Variants in SRPX2 observed in about 807,000 individuals in gnomAD.
SRPX2 encodes sushi repeat-containing protein SRPX2.
In SRPX2, 26 loss-of-function variants were observed where a neutral mutation model predicts 45.3. The observed-to-expected ratio is 0.57, with a 90% CI of 0.42 to 0.80. SRPX2 has a LOEUF of 0.80. Among genes scored for constraint, SRPX2 ranks in the 30% least tolerant of loss-of-function variants. The probability of loss-of-function intolerance (pLI) is 0.00; values close to 1 mark genes in which losing one functional copy is unlikely to be tolerated. For synonymous variants in SRPX2, 125 were observed against 143.7 expected (o/e 0.87, Z 0.93); for missense variants, 355 against 399.8 (o/e 0.89, Z 0.95).
intron 3 of SRPX2, among the ~76,000 whole-genome samples, chrX:100,657,857 T>G (rs1411659730): frequency 8.9e-6 from 1 of 112,083 alleles, no homozygotes; most frequent in South Asian, 3.7e-4. Flanking sequence ...CGGAGTCTCC[T>G]GACCTCGTAA....
rs1484524892 is a variant in SRPX2 at position 100,664,831 on chromosome X, G to A, written c.413G>A (p.Gly138Glu). Residue 138 changes from glycine to glutamate, a missense_variant, in exon 5 of 11, where the codon GGA becomes GAA. Gly to Glu is a moderately conservative substitution (Grantham distance 98). Coordinates refer to ENST00000373004, the MANE Select transcript of SRPX2 (RefSeq NM_014467.3). ...ITSGTYTCTN[G>E]VLLDSRCDYS... ...AGTGGCACTTACACCTGCACAAATG[G>A]AGTGCTTCTTGACTCTCGCTGTGAC... 3 of 1,207,500 alleles carry A rather than the reference G, an allele frequency of 2.5e-6. No individual in the cohort carries two copies. Among genetic ancestry groups the A allele is most frequent in the Non-Finnish European group, 3.4e-6 (3 of 894,017 alleles).
At chrX:100,647,123 A>C (rs769354335) in intron 2 of SRPX2, among the ~76,000 whole-genome samples, 1 of 112,126 alleles carries the variant, frequency 8.9e-6, no homozygotes, top group South Asian at 3.8e-4. Context: ...CAGGATAATG[A>C]AGTGGCATAC....
chrX:100,661,933 GTTTTTTTTTTTT>G (rs771852530), intron 3 of SRPX2, among the ~76,000 whole-genome samples: 9 of 59,698 alleles, frequency 1.5e-4, no homozygotes, highest in South Asian at 8.6e-4. Flanking sequence ...TCGAGGTGGG[GTTTTTTTTTTTT>G]TTTTTTTTTT....
At chrX:100,647,655 T>C (rs760910964) in intron 2 of SRPX2, among the ~76,000 whole-genome samples, 1 of 112,527 alleles carries the variant, frequency 8.9e-6, no homozygotes, top group African/African-American at 3.2e-5. Context: ...GAGTGGAGAT[T>C]AGATGGCTCG....
intron 10 of SRPX2, among the ~76,000 whole-genome samples, chrX:100,669,669 A>G (rs2083216672): frequency 9.1e-6 from 1 of 110,275 alleles, no homozygotes; most frequent in Non-Finnish European, 1.9e-5. Flanking sequence ...AAGCACAGCC[A>G]GGGCTGAGAC....
intron 3 of SRPX2, among the ~76,000 whole-genome samples, chrX:100,657,347 G>GTTTTTTTTTTTTTTT (rs1569359823): frequency 8.6e-5 from 1 of 11,652 alleles, no homozygotes; most frequent in East Asian, 5.4e-3. Context: ...TGTTATTTAT[G>GTTTTTTTTTTTTTTT]TCTTTTTTTT....
At chrX:100,646,826 G>C (rs1469979120) in intron 2 of SRPX2, among the ~76,000 whole-genome samples, 1 of 111,982 alleles carries the variant, frequency 8.9e-6, no homozygotes, top group Non-Finnish European at 1.9e-5. Flanking sequence ...GAAAAAATAA[G>C]GGGGGCAGGC....
chrX:100,671,127 T>C lies in SRPX2; in HGVS notation c.*140T>C, dbSNP rs772053768. The C allele has an allele frequency of 1.2e-5, 8 of 648,943 alleles. No individual in the cohort carries two copies. Among genetic ancestry groups the C allele is most frequent in the Non-Finnish European group, 1.7e-5 (7 of 414,880 alleles). 53.5% of individuals were successfully genotyped at this position (648,943 alleles called of 1,213,427 possible). ...TGGGTGAGTTTGACAAATCCTGCGG[T>C]GTTTCCAGGCATCCTTTTAGGACTG... On this transcript the variant is annotated 3_prime_UTR_variant, in exon 11 of 11. Coordinates refer to ENST00000373004, the MANE Select transcript of SRPX2 (RefSeq NM_014467.3).
rs148735447 is a variant in SRPX2, at chrX:100,666,781, C to T, written c.809C>T (p.Pro270Leu). Reference protein sequence around the residue: ...QVRRCPTLKPPQHGYLTCTSA... With the variant: ...QVRRCPTLKPLQHGYLTCTSA... ...AGACGCTGCCCAACTCTGAAACCTC[C>T]GCAGCACGGCTACCTCACCTGCACC... Residue 270 changes from proline to leucine, a missense_variant, in exon 8 of 11, where the codon CCG becomes CTG. Coordinates refer to ENST00000373004, the MANE Select transcript of SRPX2 (RefSeq NM_014467.3). 58 of 1,210,823 alleles carry T rather than the reference C, an allele frequency of 4.8e-5. No homozygotes were observed. The African/African-American group carries it at 9.4e-4, about 20-fold the overall frequency.
chrX:100,675,747 GA>G lies in SRPX2; in HGVS notation c.*4766del, dbSNP rs2083264179. The G allele has an allele frequency of 4.1e-6, 1 of 244,963 alleles. No homozygotes were observed. Among genetic ancestry groups the G allele is most frequent in the Admixed American group, 6.5e-5 (1 of 15,385 alleles). The allele number at this position is 244,963 out of a possible 1,213,427, so 20.2% of individuals were successfully genotyped here. A position where few individuals can be genotyped will look rare whatever the true frequency, so the allele number is the denominator to read the frequency against. ...TTAAGTGAACCTTATAAAGACATAA[GA>G]AAAAATGGACTCTGAAAATAAACTA... is the stretch of plus-strand genomic sequence containing the variant. On this transcript the variant is annotated 3_prime_UTR_variant, in exon 11 of 11. Coordinates refer to ENST00000373004, the MANE Select transcript of SRPX2 (RefSeq NM_014467.3).
At position 100,667,504 on chromosome X, in the gene SRPX2, T is replaced by G. The variant is rs186833990; in HGVS notation, c.1095+97T>G. On this transcript the variant is annotated intron_variant, in intron 9 of 10. Transcript: ENST00000373004. ...TCTCTGCAGCACAAACCTTACCTAC[T>G]TCCTGAAACTTTTTGTGGATAGCAT... The G allele has an allele frequency of 6.9e-5, 72 of 1,043,556 alleles. No homozygotes were observed. The East Asian group carries it at 2.2e-3, about 32-fold the overall frequency. 86.0% of individuals were successfully genotyped at this position (1,043,556 alleles called of 1,213,427 possible). A position where few individuals can be genotyped will look rare whatever the true frequency, so the allele number is the denominator to read the frequency against.
intron 2 of SRPX2, among the ~76,000 whole-genome samples, chrX:100,647,987 C>A (rs2083140655): frequency 8.9e-6 from 1 of 112,353 alleles, no homozygotes; most frequent in Non-Finnish European, 1.9e-5. Flanking sequence ...GTTGGGCTTG[C>A]CTTCATGCCT....
At chrX:100,653,112 G>T (rs1446884330) in intron 3 of SRPX2, among the ~76,000 whole-genome samples, 1 of 111,303 alleles carries the variant, frequency 9.0e-6, no homozygotes, top group Non-Finnish European at 1.9e-5. Context: ...TGGACTCTCT[G>T]GTGGTGACAA....
intron 1 of SRPX2, among the ~76,000 whole-genome samples, chrX:100,645,191 T>C (rs903422560): frequency 8.9e-6 from 1 of 112,330 alleles, no homozygotes; most frequent in African/African-American, 3.2e-5. Context: ...TTTTTGTTTC[T>C]CTATTTCTAG....
At position 100,665,252 on chromosome X, in the gene SRPX2, C is replaced by A; in HGVS notation, c.542C>A (p.Pro181His). 2 of 1,209,567 alleles carry A rather than the reference C, an allele frequency of 1.7e-6. No homozygotes were observed. The highest frequency in any genetic ancestry group is 3.6e-5 in the South Asian group (2 of 56,237). Reference protein sequence around the residue: ...GGEPVCVDIDPPKIRCPHSRE... With the variant: ...GGEPVCVDIDHPKIRCPHSRE... ...TTTTTCATCTTGGCAGACATAGATCCCCCCAAGATCCGCTGTCCCCACTCA... is the reference window on the plus strand; with the variant it reads ...TTTTTCATCTTGGCAGACATAGATCACCCCAAGATCCGCTGTCCCCACTCA... Residue 181 changes from proline (P) to histidine (H), a missense_variant, in exon 6 of 11, where the codon CCC becomes CAC. Coordinates refer to ENST00000373004, the MANE Select transcript of SRPX2 (RefSeq NM_014467.3).
chrX:100,663,510 G>A (rs2083194439), intron 4 of SRPX2, among the ~76,000 whole-genome samples: 1 of 111,711 alleles, frequency 9.0e-6, no homozygotes, highest in Non-Finnish European at 1.9e-5. Context: ...CAAATCTTTT[G>A]CCCTGATTTC....
chrX:100,652,414 G>A (rs1266596015), intron 3 of SRPX2, among the ~76,000 whole-genome samples: 4 of 112,205 alleles, frequency 3.6e-5, no homozygotes, highest in Admixed American at 2.8e-4. Context: ...TACAGGCGGC[G>A]GAAGGATGAA....
chrX:100,648,282 A>G (rs2083141439), intron 2 of SRPX2, among the ~76,000 whole-genome samples: 1 of 112,495 alleles, frequency 8.9e-6, no homozygotes, highest in Non-Finnish European at 1.9e-5. Flanking sequence ...ATTAATATGA[A>G]TCTTAAGATA....
intron 3 of SRPX2, among the ~76,000 whole-genome samples, chrX:100,651,307 C>T (rs746163616): frequency 9.0e-6 from 1 of 111,061 alleles, no homozygotes; most frequent in East Asian, 2.8e-4. Context: ...TGAAAGATGA[C>T]ATTTAGGCTA....
Sources: allele counts gnomAD v4.1 joint callset (sites outside exome capture counted in the v4.1 genomes callset), GRCh38; gene constraint gnomAD v4.1.1; transcripts MANE v1.5; gene names NCBI Gene and HGNC (gene_info 2026-07-23, HGNC 2026-07-21).